Variants in RBFOX1 observed in about 807,000 individuals in gnomAD.
The protein encoded by RBFOX1 is RNA binding fox-1 homolog 1, also known as RNA binding protein fox-1 homolog 1.
A neutral mutation model predicts 57.7 loss-of-function variants in RBFOX1; 8 were observed. The ratio of observed to expected loss-of-function variants is 0.14; its 90% CI spans 0.08 to 0.25. The LOEUF (loss-of-function observed/expected upper bound fraction) is 0.25, where lower values mean the gene tolerates loss of function less well. Among genes scored for constraint, RBFOX1 ranks in the 10% least tolerant of loss-of-function variants. The pLI is 1.00. For synonymous variants in RBFOX1, 326 were observed against 222.4 expected, an observed-to-expected ratio of 1.47 and a Z score of -4.15; for missense variants, 611 against 548.5, an observed-to-expected ratio of 1.11 and a Z score of -1.14.
chr16:7,295,008 T>C (rs970666869), intron 4 of RBFOX1, among the ~76,000 whole-genome samples: 1 of 152,110 alleles, frequency 6.6e-6, no homozygotes, highest in Non-Finnish European at 1.5e-5. Context: ...TTTGTGAAGA[T>C]CAGAAAAAAA....
At chr16:7,410,575 G>A (rs867589169) in intron 4 of RBFOX1, among the ~76,000 whole-genome samples, 4 of 152,196 alleles carry the variant, frequency 2.6e-5, no homozygotes, top group South Asian at 2.1e-4. Context: ...CAGTAAGGAG[G>A]CTGAGGCAGC....
chr16:6,044,620 G>A (rs1237669824), intron 1 of RBFOX1, among the ~76,000 whole-genome samples: 1 of 152,088 alleles, frequency 6.6e-6, no homozygotes, highest in Non-Finnish European at 1.5e-5. Context: ...ATTTTAAAAA[G>A]GTATGGAAAG....
intron 2 of RBFOX1, among the ~76,000 whole-genome samples, chr16:6,327,937 A>G (rs2082567039): frequency 1.3e-5 from 2 of 152,146 alleles, no homozygotes; most frequent in Admixed American, 6.5e-5. Context: ...GTCTGCTTTT[A>G]TGGGGCGTAC....
chr16:6,612,849 CA>C (rs539098192), intron 2 of RBFOX1, among the ~76,000 whole-genome samples: 25 of 103,072 alleles, frequency 2.4e-4, no homozygotes, highest in African/African-American at 6.2e-4. Context: ...GACTCTCTCT[CA>C]AAAAAAAAAA....
intron 4 of RBFOX1, among the ~76,000 whole-genome samples, chr16:7,097,384 C>T (rs1396553877): frequency 1.3e-5 from 2 of 152,130 alleles, no homozygotes; most frequent in African/African-American, 4.8e-5. Flanking sequence ...GAGTTGCTTG[C>T]ATCAACCCCA....
chr16:7,315,183 T>C (rs2096408988), intron 4 of RBFOX1, among the ~76,000 whole-genome samples: 2 of 152,050 alleles, frequency 1.3e-5, no homozygotes, highest in South Asian at 4.1e-4. Flanking sequence ...TCTTTCCCTA[T>C]AGAACTGAGA....
chr16:7,396,828 C>T (rs1465775667), intron 4 of RBFOX1, among the ~76,000 whole-genome samples: 1 of 152,158 alleles, frequency 6.6e-6, no homozygotes, highest in East Asian at 1.9e-4. Context: ...GTAATCCCAG[C>T]TACTCTGGAG....
At chr16:6,607,026 C>G (rs1307859589) in intron 2 of RBFOX1, among the ~76,000 whole-genome samples, 5 of 152,142 alleles carry the variant, frequency 3.3e-5, no homozygotes, top group Non-Finnish European at 5.9e-5. Context: ...TCTGTTGTTT[C>G]TTGACTTTTT....
At chr16:6,303,576 C>A (rs1282551382) in intron 1 of RBFOX1, among the ~76,000 whole-genome samples, 3 of 152,012 alleles carry the variant, frequency 2.0e-5, no homozygotes, top group African/African-American at 7.3e-5. Flanking sequence ...TCTTTCTTTT[C>A]CTTCTCCGCT....
intron 3 of RBFOX1, among the ~76,000 whole-genome samples, chr16:6,753,102 G>A (rs2075232824): frequency 6.6e-6 from 1 of 152,048 alleles, no homozygotes; most frequent in African/African-American, 2.4e-5. Flanking sequence ...TATTGAACTT[G>A]AGTAAACATC....
At chr16:5,426,316 C>G (rs2067557226) in intron 1 of RBFOX1, among the ~76,000 whole-genome samples, 1 of 152,138 alleles carries the variant, frequency 6.6e-6, no homozygotes, top group African/African-American at 2.4e-5. Flanking sequence ...TTCAGGATGT[C>G]TGTAAGCAGG....
At chr16:7,171,358 G>C (rs936071907) in intron 4 of RBFOX1, among the ~76,000 whole-genome samples, 1 of 152,142 alleles carries the variant, frequency 6.6e-6, no homozygotes, top group African/African-American at 2.4e-5. Context: ...GCTTAGCTGA[G>C]CACTTGACAC....
At chr16:5,483,817 A>G (rs562510287) in intron 2 of RBFOX1, among the ~76,000 whole-genome samples, 4 of 152,266 alleles carry the variant, frequency 2.6e-5, no homozygotes, top group South Asian at 2.1e-4. Flanking sequence ...CTGTGTCGGC[A>G]TTTGTGCAAT....
chr16:5,657,671 T>TTTC (rs1407379832), intron 3 of RBFOX1, among the ~76,000 whole-genome samples: 30 of 68,796 alleles, frequency 4.4e-4, no homozygotes, highest in East Asian at 1.7e-3. Context: ...TCTTTCTTTC[T>TTTC]TTTCTTTTCT....
At chr16:7,011,763 C>G (rs866236424) in intron 3 of RBFOX1, among the ~76,000 whole-genome samples, 1 of 152,176 alleles carries the variant, frequency 6.6e-6, no homozygotes, top group East Asian at 1.9e-4. Context: ...ATCCGCCTGC[C>G]TTGGCCTTCC....
At chr16:6,457,145 C>T (rs1376636841) in intron 2 of RBFOX1, among the ~76,000 whole-genome samples, 1 of 152,122 alleles carries the variant, frequency 6.6e-6, no homozygotes, top group African/African-American at 2.4e-5. Flanking sequence ...TCCAAGACGT[C>T]TTTGGACCCC....
chr16:5,353,139 C>T (rs907733470), intron 1 of RBFOX1, among the ~76,000 whole-genome samples: 9 of 152,132 alleles, frequency 5.9e-5, no homozygotes, highest in African/African-American at 2.2e-4. Context: ...TTTGGGAAGC[C>T]GAGGTGGGTG....
chr16:5,419,232 C>T (rs144975142), intron 1 of RBFOX1, among the ~76,000 whole-genome samples: 5 of 152,222 alleles, frequency 3.3e-5, no homozygotes, highest in East Asian at 3.9e-4. Context: ...TTGACTCACA[C>T]GATCACAAGT....
chr16:5,858,801 C>T (rs952116631), intron 3 of RBFOX1, among the ~76,000 whole-genome samples: 1 of 152,186 alleles, frequency 6.6e-6, no homozygotes, highest in Non-Finnish European at 1.5e-5. Context: ...GGGCTCTTTC[C>T]TTTTTTACAC....
Sources: allele counts gnomAD v4.1 joint callset (sites outside exome capture counted in the v4.1 genomes callset), GRCh38; gene constraint gnomAD v4.1.1; transcripts MANE v1.5; gene names NCBI Gene and HGNC (gene_info 2026-07-23, HGNC 2026-07-21).